DNER: variants seen among roughly 807,000 people sequenced by gnomAD.
The protein encoded by DNER is delta and Notch-like epidermal growth factor-related receptor.
A neutral mutation model predicts 78.2 loss-of-function variants in DNER; 33 were observed. The observed-to-expected ratio is 0.42, with a 90% CI of 0.32 to 0.56. The LOEUF (loss-of-function observed/expected upper bound fraction) is 0.56, where lower values mean the gene tolerates loss of function less well. DNER is among the 20% of genes least tolerant of loss of function. The probability of loss-of-function intolerance (pLI) is 0.11; values close to 1 mark genes in which losing one functional copy is unlikely to be tolerated. For synonymous variants in DNER, 417 were observed against 384.8 expected (o/e 1.08, Z -0.98); for missense variants, 918 against 975.3 (o/e 0.94, Z 0.78).
intron 5 of DNER, among the ~76,000 whole-genome samples, chr2:229,526,843 A>C (rs973826726): frequency 1.3e-5 from 2 of 152,282 alleles, no homozygotes; most frequent in African/African-American, 4.8e-5. Flanking sequence ...TGTCTGTCAC[A>C]GCGCTGTAGG....
chr2:229,371,459 G>A (rs1056617651), intron 11 of DNER, among the ~76,000 whole-genome samples: 6 of 152,210 alleles, frequency 3.9e-5, no homozygotes, highest in Admixed American at 6.5e-5. Context: ...TGCACGAGCT[G>A]CTCAAGAAAA....
rs1402744643 is a variant in DNER at position 229,586,551 on chromosome 2, C to A, written c.681-527G>T. ...AAAAAAAAAAAAAAAAAAAAAAAAA[C>A]ACACAAAACCACCCCACAGAGAATA... On this transcript the variant is annotated intron_variant, in intron 3 of 12. Transcript: ENST00000341772. 5.0e-3 allele frequency: 722 copies of A among 144,314 alleles called. 67 individuals carry two copies. The highest frequency in any genetic ancestry group is 0.03 in the African/African-American group (632 of 21,214). The allele number at this position is 144,314 out of a possible 1,614,324, so 8.9% of individuals were successfully genotyped here. A position where few individuals can be genotyped will look rare whatever the true frequency, so the allele number is the denominator to read the frequency against.
chr2:229,419,714 T>G lies in DNER; in HGVS notation c.1487-1484A>C, dbSNP rs187297805. Among the ~76,000 whole-genome samples the G allele has an allele frequency of 3.9e-5, 6 of 152,118 alleles. No homozygotes were observed. The East Asian group carries it at 1.2e-3, about 29-fold the overall frequency. ...CCTACCTAAGACAAATATACTATAG[T>G]TTTCAATTCTTCTGAAAAGTAGTAT... On this transcript the variant is annotated intron_variant, in intron 8 of 12. Transcript: ENST00000341772.
At chr2:229,472,474 A>G (rs1280359121) in intron 7 of DNER, among the ~76,000 whole-genome samples, 1 of 152,202 alleles carries the variant, frequency 6.6e-6, no homozygotes, top group Non-Finnish European at 1.5e-5. Context: ...GGGAGATGGA[A>G]TTAAGATACT....
chr2:229,648,519 G>C (rs1698758942), intron 1 of DNER, among the ~76,000 whole-genome samples: 1 of 152,150 alleles, frequency 6.6e-6, no homozygotes, highest in Non-Finnish European at 1.5e-5. Flanking sequence ...TGTACCACTT[G>C]GAAGTGCCGA....
chr2:229,438,622 T>C (rs1694174953), intron 8 of DNER, among the ~76,000 whole-genome samples: 1 of 152,228 alleles, frequency 6.6e-6, no homozygotes, highest in African/African-American at 2.4e-5. Context: ...CAAAGCCAGA[T>C]GGGATGAAGT....
intron 7 of DNER, among the ~76,000 whole-genome samples, chr2:229,476,224 T>C (rs1431289808): frequency 6.6e-6 from 1 of 152,130 alleles, no homozygotes; most frequent in African/African-American, 2.4e-5. Flanking sequence ...CTTTAGTTGA[T>C]GTTCACTTCT....
At chr2:229,665,403 G>C (rs1343305105) in intron 1 of DNER, among the ~76,000 whole-genome samples, 2 of 152,068 alleles carry the variant, frequency 1.3e-5, no homozygotes, top group African/African-American at 2.4e-5. Flanking sequence ...CAACACTCTA[G>C]CTCCACAGAG....
intron 7 of DNER, among the ~76,000 whole-genome samples, chr2:229,475,646 G>A (rs915311244): frequency 3.3e-5 from 5 of 152,140 alleles, no homozygotes; most frequent in Non-Finnish European, 5.9e-5. Context: ...CTAGGAAATT[G>A]TAGTACGAGT....
At chr2:229,603,089 A>C (rs1697863186) in intron 1 of DNER, among the ~76,000 whole-genome samples, 1 of 152,242 alleles carries the variant, frequency 6.6e-6, no homozygotes, top group Admixed American at 6.5e-5. Context: ...CTTCTAGAAT[A>C]GAGTCTTTTC....
At chr2:229,426,351 G>C (rs949844808) in intron 8 of DNER, among the ~76,000 whole-genome samples, 2 of 145,374 alleles carry the variant, frequency 1.4e-5, no homozygotes, top group Non-Finnish European at 3.0e-5. Flanking sequence ...TGAGGCAGGA[G>C]AATGGCGTGA....
intron 1 of DNER, among the ~76,000 whole-genome samples, chr2:229,687,422 C>T (rs184418667): frequency 6.6e-6 from 1 of 151,942 alleles, no homozygotes; most frequent in South Asian, 2.1e-4. Context: ...TACCACCACA[C>T]CCAGCTAATT....
At chr2:229,573,892 C>A (rs1034456105) in intron 4 of DNER, among the ~76,000 whole-genome samples, 4 of 152,182 alleles carry the variant, frequency 2.6e-5, no homozygotes, top group African/African-American at 9.7e-5. Flanking sequence ...ACTACATTTA[C>A]CATTACTCCA....
chr2:229,420,347 T>C (rs983439798), intron 8 of DNER, among the ~76,000 whole-genome samples: 1 of 152,218 alleles, frequency 6.6e-6, no homozygotes, highest in Admixed American at 6.5e-5. Context: ...ATGTATTGTT[T>C]GCAAATATTT....
chr2:229,509,787 C>T (rs968665266), intron 6 of DNER, among the ~76,000 whole-genome samples: 2 of 152,042 alleles, frequency 1.3e-5, no homozygotes, highest in Non-Finnish European at 2.9e-5. Context: ...TGCATTCCAG[C>T]CCAGGCAACA....
chr2:229,710,278 AG>A (rs957617783), intron 1 of DNER, among the ~76,000 whole-genome samples: 4 of 152,174 alleles, frequency 2.6e-5, no homozygotes, highest in African/African-American at 9.6e-5. Context: ...AAACTCAAGG[AG>A]GTTATAGCTC....
At chr2:229,692,212 A>G (rs1699588535) in intron 1 of DNER, among the ~76,000 whole-genome samples, 1 of 152,204 alleles carries the variant, frequency 6.6e-6, no homozygotes, top group Admixed American at 6.5e-5. Context: ...ATGTAGAAGA[A>G]CCCTGATCTG....
intron 4 of DNER, among the ~76,000 whole-genome samples, chr2:229,563,676 ATTATCACC>A (rs1697021946): frequency 7.4e-6 from 1 of 135,864 alleles, no homozygotes; most frequent in Non-Finnish European, 1.6e-5. Flanking sequence ...CATCATCAAC[ATTATCACC>A]CCATCACCGT....
At chr2:229,485,744 T>TA (rs968516353) in intron 6 of DNER, among the ~76,000 whole-genome samples, 5 of 152,180 alleles carry the variant, frequency 3.3e-5, no homozygotes, top group Middle Eastern at 3.4e-3. Context: ...TGGGCATTTT[T>TA]AAAAAAACAT....
Sources: allele counts gnomAD v4.1 joint callset (sites outside exome capture counted in the v4.1 genomes callset), GRCh38; gene constraint gnomAD v4.1.1; transcripts MANE v1.5; gene names NCBI Gene and HGNC (gene_info 2026-07-23, HGNC 2026-07-21).